The following RPP40 variants were observed in gnomAD, a reference collection of about 807,000 sequenced individuals.
RPP40 encodes ribonuclease P/MRP subunit p40, also known as ribonuclease P protein subunit p40.
In RPP40, 30 loss-of-function variants were observed where a neutral mutation model predicts 42.5. The ratio of observed to expected loss-of-function variants is 0.71; its 90% confidence interval spans 0.53 to 0.96. The LOEUF is 0.96. Among genes scored for constraint, RPP40 ranks in the 40% least tolerant of loss-of-function variants. The pLI is 0.00. For synonymous variants in RPP40, 173 were observed against 164.0 expected (o/e 1.05, Z -0.42); for missense variants, 426 against 433.5 (o/e 0.98, Z 0.15).
intron 2 of RPP40, among the ~76,000 whole-genome samples, chr6:5,001,378 T>A (rs1224357510): frequency 6.6e-6 from 1 of 152,196 alleles, no homozygotes; most frequent in African/African-American, 2.4e-5. Context: ...CCAGACAAGA[T>A]GCCCAGCTCA....
chr6:4,996,341 C>A lies in RPP40; in HGVS notation c.639G>T (p.Thr213=), dbSNP rs775710811. ...GCACTGGGCACTGGAGATCTCTCAA[C>A]GTGCTCAGTGCTACTTTTGGCTGAT... ...QEHQPKVALS[T]LRDLQCPVLQ... Residue 213 remains threonine, a synonymous_variant, in exon 6 of 8, where the codon ACG becomes ACT. Coordinates refer to ENST00000380051, the MANE Select transcript of RPP40 (RefSeq NM_006638.4). 1.2e-6 allele frequency: 2 copies of A among 1,613,990 alleles called. No individual in the cohort carries two copies. The highest frequency in any genetic ancestry group is 8.5e-7 in the Non-Finnish European group (1 of 1,180,036).
chr6:4,999,334 C>T (rs1232712864), intron 4 of RPP40, among the ~76,000 whole-genome samples: 1 of 118,856 alleles, frequency 8.4e-6, no homozygotes, highest in South Asian at 2.9e-4. Flanking sequence ...GACTCTCACT[C>T]TGTCGCCAGG....
At chr6:5,002,393 A>C (rs2127543499) in intron 1 of RPP40, 148 bp from the exon 2 acceptor site, 2 of 657,900 alleles carry the variant, frequency 3.0e-6, no homozygotes, top group South Asian at 4.3e-5. Flanking sequence ...TCTTATGTTA[A>C]CTTACCTATC....
intron 2 of RPP40, 189 bp downstream of exon 2, chr6:5,001,912 G>GAAACCACCACCT: frequency 1.9e-6 from 1 of 529,324 alleles, no homozygotes; most frequent in Non-Finnish European, 3.3e-6. Context: ...ATTGCAATCA[G>GAAACCACCACCT]AAACCACCAC....
chr6:5,003,839 G>T (rs554238313), intron 1 of RPP40, 41 bp downstream of exon 1: 2 of 1,586,748 alleles, frequency 1.3e-6, no homozygotes, highest in African/African-American at 1.3e-5. Flanking sequence ...CGCACGCGGG[G>T]ACTGAGCACG....
chr6:4,993,200 G>A (rs555816533), downstream of RPP40, among the ~76,000 whole-genome samples: 1 of 152,272 alleles, frequency 6.6e-6, no homozygotes, highest in Admixed American at 6.5e-5. Flanking sequence ...AACTTTTCTT[G>A]CAGTGCAGAC....
Position 4,999,798 on chromosome 6 carries a change from A to G in RPP40, c.433+11T>C, listed in dbSNP as rs1012202145. 15 of 1,435,266 alleles carry G rather than the reference A, an allele frequency of 1.0e-5. No homozygotes were observed. Among genetic ancestry groups the G allele is most frequent in the South Asian group, 5.8e-5 (5 of 86,908 alleles). 88.9% of individuals were successfully genotyped at this position (1,435,266 alleles called of 1,614,324 possible). A position where few individuals can be genotyped will look rare whatever the true frequency, so the allele number is the denominator to read the frequency against. On this transcript the variant is annotated intron_variant, in intron 4 of 7. Coordinates refer to ENST00000380051, the MANE Select transcript of RPP40 (RefSeq NM_006638.4). ...AAGATTAGAAACAGATGGAACACAC[A>G]TGATACTTACTAAATTTCATAATTT...
chr6:4,991,314 C>T (rs1302040063), downstream of RPP40, among the ~76,000 whole-genome samples: 2 of 152,062 alleles, frequency 1.3e-5, no homozygotes, highest in African/African-American at 2.4e-5. Flanking sequence ...TAATGTAGTC[C>T]ATCTCTATAA....
intron 2 of RPP40, chr6:5,001,223 TGAG>T (rs1444311406): frequency 4.5e-6 from 2 of 448,630 alleles, no homozygotes; most frequent in African/African-American, 4.0e-5. Flanking sequence ...CACTGTTAAA[TGAG>T]GATCATAGGC....
At position 5,002,193 on chromosome 6, in the gene RPP40, A is replaced by G; in HGVS notation, c.176T>C (p.Leu59Pro). 6.2e-7 allele frequency: 1 copy of G among 1,613,154 alleles called. No homozygotes were observed. Among genetic ancestry groups the G allele is most frequent in the Non-Finnish European group, 8.5e-7 (1 of 1,179,158 alleles). Residue 59 changes from leucine to proline, a missense_variant, in exon 2 of 8, where the codon CTG (leucine) becomes CCG (proline). Physicochemically the swap from Leu to Pro is moderately conservative, Grantham distance 98 (BLOSUM62 -3). Coordinates refer to ENST00000380051, the MANE Select transcript of RPP40 (RefSeq NM_006638.4). ...GTAATAGGGTCCAGTGTTCATGACC[A>G]GGTTTTTCAGTTCTTCCGATAGTAT... is the stretch of plus-strand genomic sequence containing the variant. ...CGILSEELKN[L>P]VMNTGPYYFV...
At position 4,995,230 on chromosome 6, in the gene RPP40, C is replaced by T. The variant is rs12332997; in HGVS notation, c.940G>A (p.Val314Ile). 52,622 of 1,613,878 alleles carry T rather than the reference C, an allele frequency of 0.033. 1,193 individuals carry two copies. The highest frequency in any genetic ancestry group is 0.084 in the South Asian group (7,686 of 91,052). The change falls in exon 8 of 8, where the codon GTT (valine) becomes ATT (isoleucine). Residue 314 changes from valine to isoleucine, a missense_variant. By Grantham distance (29) the Val-to-Ile change is conservative. Transcript: ENST00000380051. ...ACAGGGCTGTCTGCAAAGCCTTGAA[C>T]GGACAGTGTAACCCATGGAGCTAAC... Reference protein sequence around the residue: ...PKLAPWVTLSVQGFADSPVSW... With the variant: ...PKLAPWVTLSIQGFADSPVSW...
At chr6:4,996,470 G>A (rs1458363224) in intron 5 of RPP40, 50 bp from the exon 6 acceptor site, 6 of 1,582,950 alleles carry the variant, frequency 3.8e-6, no homozygotes, top group South Asian at 1.1e-5. Context: ...ACCATCGTAA[G>A]CAAGTTTAGT....
At chr6:4,995,312 A>G in intron 7 of RPP40, 36 bp from the exon 8 acceptor site, 2 of 1,494,006 alleles carry the variant, frequency 1.3e-6, no homozygotes, top group Admixed American at 1.8e-5. Flanking sequence ...GAGTTTTAAA[A>G]GAGAGTTAGG....
chr6:4,995,137 T>A lies in RPP40; in HGVS notation c.1033A>T (p.Asn345Tyr). The A allele has an allele frequency of 6.2e-7, 1 of 1,614,138 alleles. No homozygotes were observed. The highest frequency in any genetic ancestry group is 8.5e-7 in the Non-Finnish European group (1 of 1,179,962). ...ATCTGAAGCCAATAGTCCTGATTAT[T>A]AAAAATCACAAAGTTATATAAATGT... Reference protein sequence around the residue: ...GEHLYNFVIFNNQDYWLQMAV... With the variant: ...GEHLYNFVIFYNQDYWLQMAV... Residue 345 changes from asparagine to tyrosine, a missense_variant, in exon 8 of 8, where the codon AAT becomes TAT. Coordinates refer to ENST00000380051, the MANE Select transcript of RPP40 (RefSeq NM_006638.4).
At chr6:4,992,139 C>A (rs1439790675), downstream of RPP40, among the ~76,000 whole-genome samples, 2 of 151,846 alleles carry the variant, frequency 1.3e-5, no homozygotes, top group African/African-American at 4.8e-5. Context: ...AGTTCGAGAC[C>A]AGCCTGGCCA....
chr6:4,996,514 G>GT, intron 5 of RPP40, 94 bp from the exon 6 acceptor site: 1 of 1,029,278 alleles, frequency 9.7e-7, no homozygotes, highest in South Asian at 1.4e-5. Context: ...CATCTGAGCG[G>GT]TAAGATTGAG....
At chr6:5,001,995 T>C (rs1759574337) in intron 2 of RPP40, 106 bp downstream of exon 2, 1 of 980,014 alleles carries the variant, frequency 1.0e-6, no homozygotes, top group South Asian at 1.7e-5. Context: ...ACACAGACTA[T>C]ACCACAGGCC....
At chr6:4,993,407 T>C (rs908671981), downstream of RPP40, among the ~76,000 whole-genome samples, 1 of 152,250 alleles carries the variant, frequency 6.6e-6, no homozygotes, top group Non-Finnish European at 1.5e-5. Flanking sequence ...TCATGCCATT[T>C]AACCCTCCTT....
chr6:4,994,497 T>A (rs1176652885), downstream of RPP40, among the ~76,000 whole-genome samples: 1 of 152,256 alleles, frequency 6.6e-6, no homozygotes, highest in Non-Finnish European at 1.5e-5. Context: ...CAACCTGTTC[T>A]GTAACGATTT....
Sources: gnomAD v4.1 joint callset for allele counts (sites outside exome capture counted in the v4.1 genomes callset) on GRCh38, gnomAD v4.1.1 for gene constraint, MANE v1.5 for transcripts, NCBI Gene and HGNC (gene_info 2026-07-23, HGNC 2026-07-21) for gene names.